NAV2: variants seen among roughly 807,000 people sequenced by gnomAD.
NAV2 encodes helicase, APC down-regulated 1.
A neutral mutation model predicts 223.2 loss-of-function variants in NAV2; 54 were observed. The observed-to-expected ratio is 0.24, with a 90% CI of 0.19 to 0.30. The LOEUF is 0.30. Among genes scored for constraint, NAV2 ranks in the 10% least tolerant of loss-of-function variants. The pLI is 1.00. For synonymous variants in NAV2, 1,279 were observed against 1,239.3 expected (o/e 1.03, Z -0.67); for missense variants, 2,806 against 3,147.5 (o/e 0.89, Z 2.60).
At chr11:19,654,967 G>A (rs570891426) in intron 1 of NAV2, among the ~76,000 whole-genome samples, 1 of 152,166 alleles carries the variant, frequency 6.6e-6, no homozygotes, top group South Asian at 2.1e-4. Flanking sequence ...CTACAGAATG[G>A]GAGAAAATTT....
intron 1 of NAV2, among the ~76,000 whole-genome samples, chr11:19,376,162 T>G (rs1016623146): frequency 6.6e-6 from 1 of 152,248 alleles, no homozygotes; most frequent in Non-Finnish European, 1.5e-5. Context: ...TAGAAAGTCT[T>G]GTTTTCTATT....
At chr11:19,512,418 C>T (rs562983509) in intron 1 of NAV2, among the ~76,000 whole-genome samples, 10 of 152,230 alleles carry the variant, frequency 6.6e-5, no homozygotes, top group Non-Finnish European at 7.4e-5. Flanking sequence ...TAAATGCCTC[C>T]GAGGTGCCAA....
At chr11:19,677,797 C>T (rs1272775527) in intron 1 of NAV2, among the ~76,000 whole-genome samples, 1 of 152,194 alleles carries the variant, frequency 6.6e-6, no homozygotes, top group Admixed American at 6.5e-5. Flanking sequence ...CATGACCATT[C>T]GTTTCTGTAT....
At chr11:19,625,966 C>T (rs1334885400) in intron 1 of NAV2, among the ~76,000 whole-genome samples, 1 of 152,124 alleles carries the variant, frequency 6.6e-6, no homozygotes, top group Non-Finnish European at 1.5e-5. Context: ...TGACCATTTT[C>T]TCCCATTCTA....
intron 1 of NAV2, among the ~76,000 whole-genome samples, chr11:19,439,604 T>C (rs923704610): frequency 2.6e-5 from 4 of 152,242 alleles, no homozygotes; most frequent in Non-Finnish European, 5.9e-5. Flanking sequence ...ACCTATGTAA[T>C]AGGCCCAACA....
At chr11:19,834,144 G>T (rs188859315) in intron 2 of NAV2, among the ~76,000 whole-genome samples, 61 of 152,208 alleles carry the variant, frequency 4.0e-4, no homozygotes, top group Admixed American at 3.9e-4. Context: ...TCGCTGTAAA[G>T]TCTGTCTGCC....
intron 1 of NAV2, among the ~76,000 whole-genome samples, chr11:19,739,575 A>T (rs896798583): frequency 1.1e-4 from 17 of 152,108 alleles, no homozygotes; most frequent in African/African-American, 4.1e-4. Context: ...GTCTGTGGAG[A>T]CATTTGCTTA....
chr11:20,109,113 C>T (rs1248373353), intron 36 of NAV2, among the ~76,000 whole-genome samples: 1 of 151,996 alleles, frequency 6.6e-6, no homozygotes, highest in Non-Finnish European at 1.5e-5. Flanking sequence ...TAGGGCTGAA[C>T]TGAGGAGTAT....
At chr11:19,638,791 G>A (rs1396646034) in intron 1 of NAV2, among the ~76,000 whole-genome samples, 4 of 152,064 alleles carry the variant, frequency 2.6e-5, no homozygotes, top group Non-Finnish European at 4.4e-5. Context: ...TCAGGAGTTC[G>A]AGACCAGCCT....
intron 1 of NAV2, among the ~76,000 whole-genome samples, chr11:19,420,607 T>A (rs1478178654): frequency 1.3e-5 from 2 of 152,194 alleles, no homozygotes; most frequent in Non-Finnish European, 2.9e-5. Context: ...TATGGATCAA[T>A]CTTGCAGACA....
At chr11:20,092,881 G>A (rs1313719693) in intron 28 of NAV2, among the ~76,000 whole-genome samples, 1 of 152,086 alleles carries the variant, frequency 6.6e-6, no homozygotes, top group Admixed American at 6.5e-5. Flanking sequence ...ACTTCCATCC[G>A]GCAAGGTGCA....
At chr11:19,563,656 G>C (rs2045173257) in intron 1 of NAV2, among the ~76,000 whole-genome samples, 1 of 152,136 alleles carries the variant, frequency 6.6e-6, no homozygotes, top group African/African-American at 2.4e-5. Flanking sequence ...GGTCTATGGG[G>C]CATTTTAATA....
intron 1 of NAV2, among the ~76,000 whole-genome samples, chr11:19,665,607 T>A (rs551777552): frequency 5.6e-4 from 85 of 152,314 alleles, no homozygotes; most frequent in Non-Finnish European, 1.1e-3. Flanking sequence ...CCTAAGAGAC[T>A]GTAGATGCTC....
chr11:19,615,916 G>A (rs1279727857), intron 1 of NAV2, among the ~76,000 whole-genome samples: 1 of 152,146 alleles, frequency 6.6e-6, no homozygotes, highest in Non-Finnish European at 1.5e-5. Flanking sequence ...CTGTTGGGGG[G>A]ATCCTGACCT....
At chr11:20,074,760 C>CTTTTTTTTTTTTT (rs1554948003) in intron 22 of NAV2, among the ~76,000 whole-genome samples, 1 of 110,258 alleles carries the variant, frequency 9.1e-6, no homozygotes, top group Non-Finnish European at 1.8e-5. Context: ...TGCAACTCTG[C>CTTTTTTTTTTTTT]TTTTTTTTTT....
intron 1 of NAV2, among the ~76,000 whole-genome samples, chr11:19,408,511 T>G (rs1188507440): frequency 6.6e-6 from 1 of 152,218 alleles, no homozygotes; most frequent in Non-Finnish European, 1.5e-5. Context: ...GGAATCCCCT[T>G]GGCAGTTCAG....
At chr11:19,925,885 A>C (rs1407803533) in intron 6 of NAV2, among the ~76,000 whole-genome samples, 2 of 152,160 alleles carry the variant, frequency 1.3e-5, no homozygotes, top group African/African-American at 4.8e-5. Flanking sequence ...TTGTTTGACC[A>C]TATGTGCAAA....
chr11:19,777,597 GA>G, intron 1 of NAV2: 3 of 450,122 alleles, frequency 6.7e-6, no homozygotes, highest in South Asian at 3.1e-5. Flanking sequence ...TCCCCTTTAG[GA>G]ACTGGCCCGG....
intron 6 of NAV2, among the ~76,000 whole-genome samples, chr11:19,908,562 A>G (rs943776380): frequency 6.6e-6 from 1 of 152,256 alleles, no homozygotes; most frequent in Non-Finnish European, 1.5e-5. Context: ...GGTAGCCACT[A>G]GCGCTACATG....
Sources: gnomAD v4.1 joint callset for allele counts (sites outside exome capture counted in the v4.1 genomes callset) on GRCh38, gnomAD v4.1.1 for gene constraint, MANE v1.5 for transcripts, NCBI Gene and HGNC (gene_info 2026-07-23, HGNC 2026-07-21) for gene names.